Variants in PTPRD observed in about 807,000 individuals in gnomAD.
The protein encoded by PTPRD is receptor-type tyrosine-protein phosphatase delta.
Under a neutral mutation model 214.5 loss-of-function variants are expected in PTPRD, and 34 were observed. The observed-to-expected ratio is 0.16, with a 90% CI of 0.12 to 0.21. PTPRD has a LOEUF of 0.21. Among genes scored for constraint, PTPRD ranks in the 10% least tolerant of loss-of-function variants. The pLI is 1.00. For synonymous variants in PTPRD, 1,128 were observed against 845.7 expected, an observed-to-expected ratio of 1.33 and a Z score of -5.79; for missense variants, 2,545 against 2,398.7, an observed-to-expected ratio of 1.06 and a Z score of -1.27.
intron 11 of PTPRD, among the ~76,000 whole-genome samples, chr9:8,927,903 A>T (rs914066196): frequency 7.2e-5 from 11 of 152,262 alleles, no homozygotes; most frequent in African/African-American, 2.6e-4. Context: ...TGCCATTCTA[A>T]CTGGCATGAC....
intron 2 of PTPRD, among the ~76,000 whole-genome samples, chr9:10,605,478 T>C (rs1036016367): frequency 6.6e-6 from 1 of 151,810 alleles, no homozygotes; most frequent in Non-Finnish European, 1.5e-5. Context: ...TGAACACACA[T>C]AAGGAATTAG....
chr9:10,407,021 T>C (rs1245284185), intron 2 of PTPRD, among the ~76,000 whole-genome samples: 1 of 151,588 alleles, frequency 6.6e-6, no homozygotes, highest in African/African-American at 2.4e-5. Context: ...ATAGACACAA[T>C]TTCCTATAGT....
chr9:9,675,415 GA>G (rs2096910322), intron 7 of PTPRD, among the ~76,000 whole-genome samples: 2 of 151,324 alleles, frequency 1.3e-5, no homozygotes, highest in Non-Finnish European at 3.0e-5. Flanking sequence ...GAAATAAATA[GA>G]AAACAATAAT....
intron 14 of PTPRD, among the ~76,000 whole-genome samples, chr9:8,615,862 T>G (rs985000149): frequency 1.3e-5 from 2 of 152,120 alleles, no homozygotes; most frequent in African/African-American, 2.4e-5. Context: ...ATTTTCAACA[T>G]GAAATCAATA....
At chr9:8,382,838 C>CTAGA (rs1196068820) in intron 37 of PTPRD, among the ~76,000 whole-genome samples, 1 of 152,196 alleles carries the variant, frequency 6.6e-6, no homozygotes, top group Non-Finnish European at 1.5e-5. Context: ...TTCTGTTGCC[C>CTAGA]TAGATAGGCA....
chr9:9,649,362 A>G (rs1164661296), intron 7 of PTPRD, among the ~76,000 whole-genome samples: 1 of 152,184 alleles, frequency 6.6e-6, no homozygotes, highest in African/African-American at 2.4e-5. Context: ...CTATCTGTAA[A>G]ATGGCAAAAT....
At position 9,012,657 on chromosome 9, in the gene PTPRD, A is replaced by G. The variant is rs116265265; in HGVS notation, c.-104+6040T>C. On this transcript the variant is annotated intron_variant, in intron 11 of 45. Transcript: ENST00000381196. The stretch of plus-strand genomic sequence containing the variant: ...GAGAACAAAACAGACTTTGAAGGAG[A>G]TTTACAGAATAGTATTGAAATTTTT... 3.6e-3 allele frequency among the ~76,000 whole-genome samples: 554 copies of G among 152,248 alleles called. 4 individuals are homozygous for G. The highest frequency in any genetic ancestry group is 0.013 in the African/African-American group (540 of 41,552).
At chr9:8,744,661 A>G (rs1321770574) in intron 11 of PTPRD, among the ~76,000 whole-genome samples, 1 of 152,222 alleles carries the variant, frequency 6.6e-6, no homozygotes, top group Non-Finnish European at 1.5e-5. Flanking sequence ...GGCTGGCAGC[A>G]GGGTGAGGGA....
intron 3 of PTPRD, among the ~76,000 whole-genome samples, chr9:10,195,747 G>T (rs2099395547): frequency 6.6e-6 from 1 of 152,212 alleles, no homozygotes; most frequent in African/African-American, 2.4e-5. Context: ...CCATGGGGAA[G>T]GGTGGAGGAG....
intron 3 of PTPRD, among the ~76,000 whole-genome samples, chr9:10,154,623 T>C (rs1197233859): frequency 6.6e-6 from 1 of 152,154 alleles, no homozygotes; most frequent in Non-Finnish European, 1.5e-5. Context: ...TTAATCCATC[T>C]TGAATTGACT....
intron 11 of PTPRD, among the ~76,000 whole-genome samples, chr9:8,919,219 C>A (rs1223014875): frequency 6.6e-6 from 1 of 151,972 alleles, no homozygotes; most frequent in African/African-American, 2.4e-5. Context: ...ATGGCGAAAT[C>A]CTGTCTCTAG....
chr9:10,476,066 C>T (rs559800302), intron 2 of PTPRD, among the ~76,000 whole-genome samples: 1 of 152,256 alleles, frequency 6.6e-6, no homozygotes, highest in African/African-American at 2.4e-5. Context: ...CCTTTGAAAA[C>T]TGGCACAAAA....
At chr9:9,658,173 A>G (rs1405853505) in intron 7 of PTPRD, among the ~76,000 whole-genome samples, 2 of 152,122 alleles carry the variant, frequency 1.3e-5, no homozygotes, top group African/African-American at 4.8e-5. Flanking sequence ...GGTTTTCATC[A>G]TTGATATAAT....
In PTPRD at chr9:8,777,084, G is replaced by T. The variant is rs1322465621; in HGVS notation, c.-103-43138C>A. On this transcript the variant is annotated intron_variant, in intron 11 of 45. Transcript: ENST00000381196. ...CTGCCTCAACCTCCTAGCCTCAAGA[G>T]ATCTTCCACCTCAGCCTCCCAAGTA... 2.6e-5 allele frequency among the ~76,000 whole-genome samples: 4 copies of T among 151,482 alleles called. No homozygotes were observed. The South Asian group carries it at 6.3e-4, about 24-fold the overall frequency.
intron 5 of PTPRD, among the ~76,000 whole-genome samples, chr9:9,935,294 T>G (rs1225812713): frequency 4.1e-4 from 63 of 152,156 alleles, no homozygotes; most frequent in Non-Finnish European, 3.1e-4. Context: ...TGTCCCTGTT[T>G]GCAGAAGACA....
chr9:8,846,517 G>C (rs1236388386), intron 11 of PTPRD, among the ~76,000 whole-genome samples: 1 of 152,110 alleles, frequency 6.6e-6, no homozygotes, highest in Admixed American at 6.5e-5. Context: ...CCCAGAGAAA[G>C]GTACCCAGAC....
At chr9:10,143,902 G>C (rs1008373223) in intron 3 of PTPRD, among the ~76,000 whole-genome samples, 8 of 152,016 alleles carry the variant, frequency 5.3e-5, no homozygotes, top group Non-Finnish European at 8.8e-5. Context: ...GGATGCAAGA[G>C]GGGAGAGGGA....
chr9:9,372,279 TTATG>T (rs1405874114), intron 9 of PTPRD, among the ~76,000 whole-genome samples: 1 of 152,058 alleles, frequency 6.6e-6, no homozygotes, highest in Non-Finnish European at 1.5e-5. Context: ...AGGACTTGCT[TTATG>T]TATCTGGGTG....
chr9:8,518,530 C>T (rs2097827385), intron 20 of PTPRD, 101 bp from the exon 21 acceptor site: 1 of 834,670 alleles, frequency 1.2e-6, no homozygotes, highest in Non-Finnish European at 1.8e-6. Context: ...TATGTATCTA[C>T]TGAAGATTTA....
Sources: gnomAD v4.1 joint callset for allele counts (sites outside exome capture counted in the v4.1 genomes callset) on GRCh38, gnomAD v4.1.1 for gene constraint, MANE v1.5 for transcripts, NCBI Gene and HGNC (gene_info 2026-07-23, HGNC 2026-07-21) for gene names.